SND1: variants seen among roughly 807,000 people sequenced by gnomAD.
SND1 encodes the protein staphylococcal nuclease domain-containing protein 1.
Under a neutral mutation model 121.7 loss-of-function variants are expected in SND1, and 38 were observed. The observed-to-expected ratio is 0.31, with a 90% CI of 0.24 to 0.41. SND1 has a LOEUF of 0.41. Among genes scored for constraint, SND1 ranks in the 10% least tolerant of loss-of-function variants. SND1 has a pLI of 1.00. For missense variants in SND1, 868 were observed against 1,184.6 expected, an observed-to-expected ratio of 0.73 and a Z score of 3.92; for synonymous variants, 401 against 447.4, an observed-to-expected ratio of 0.90 and a Z score of 1.31.
chr7:127,705,924 C>A (rs1317491177), intron 8 of SND1, among the ~76,000 whole-genome samples: 1 of 152,128 alleles, frequency 6.6e-6, no homozygotes, highest in African/African-American at 2.4e-5. Flanking sequence ...TATTCCATTT[C>A]TTAGGTCTTT....
At chr7:127,943,021 G>A (rs1801251070) in intron 15 of SND1, among the ~76,000 whole-genome samples, 1 of 152,138 alleles carries the variant, frequency 6.6e-6, no homozygotes, top group African/African-American at 2.4e-5. Flanking sequence ...AGTGAACATT[G>A]CCATATCATA....
At chr7:128,091,441 C>T (rs1793778332) in intron 22 of SND1, among the ~76,000 whole-genome samples, 1 of 151,698 alleles carries the variant, frequency 6.6e-6, no homozygotes, top group African/African-American at 2.4e-5. Context: ...AACTCCTGGG[C>T]TCAAGTGATC....
At chr7:127,759,546 A>G (rs1332700147) in intron 10 of SND1, among the ~76,000 whole-genome samples, 1 of 152,108 alleles carries the variant, frequency 6.6e-6, no homozygotes, top group African/African-American at 2.4e-5. Flanking sequence ...TTTGCCAAGG[A>G]ATCTTGTTCC....
At chr7:127,814,507 T>G (rs1395871579) in intron 11 of SND1, among the ~76,000 whole-genome samples, 3 of 152,102 alleles carry the variant, frequency 2.0e-5, no homozygotes, top group African/African-American at 7.2e-5. Flanking sequence ...GATGTGCTCA[T>G]TTGGAAAGGA....
Position 128,025,849 on chromosome 7 carries a change from G to C in SND1, c.1779+34793G>C, listed in dbSNP as rs1584744718. Among the ~76,000 whole-genome samples, 2 of 152,134 alleles carry C rather than the reference G, an allele frequency of 1.3e-5. 1 individual carries two copies. The highest frequency in any genetic ancestry group is 1.3e-4 in the Admixed American group (2 of 15,280). ...TCCTTTCAAAAGTCCTTCTCCCACA[G>C]ATTGAAGCTGAATATAGTCTTCCTT... On this transcript the variant is annotated intron_variant, in intron 16 of 23. Transcript: ENST00000354725.
At chr7:127,719,130 G>GC (rs933794233) in intron 9 of SND1, among the ~76,000 whole-genome samples, 2 of 152,012 alleles carry the variant, frequency 1.3e-5, no homozygotes, top group East Asian at 1.9e-4. Flanking sequence ...CATGGAAACT[G>GC]CCCCCCTGAA....
intron 10 of SND1, among the ~76,000 whole-genome samples, chr7:127,750,750 G>T (rs1797075808): frequency 6.6e-6 from 1 of 152,090 alleles, no homozygotes; most frequent in Non-Finnish European, 1.5e-5. Context: ...TGGATTTTTG[G>T]ATTAAGGATA....
In SND1 at chr7:127,918,667, C is replaced by T. The variant is rs1486528321; in HGVS notation, c.1528-10521C>T. Among the ~76,000 whole-genome samples, 4 of 152,240 alleles carry T rather than the reference C, an allele frequency of 2.6e-5. No individual in the cohort carries two copies. In the South Asian group the frequency reaches 6.2e-4, roughly 24 times the overall value. ...TAGCAGATATTGTTGGATGAATGAA[C>T]GCTGTAAATAGTTCTACTAGAATTG... On this transcript the variant is annotated intron_variant, in intron 14 of 23. Transcript: ENST00000354725.
intron 10 of SND1, among the ~76,000 whole-genome samples, chr7:127,773,698 A>T (rs1203649994): frequency 1.3e-5 from 2 of 152,150 alleles, no homozygotes; most frequent in Non-Finnish European, 2.9e-5. Context: ...CTCGAAAAAA[A>T]ATCTGTTGTG....
chr7:127,674,958 T>G (rs1328578983), intron 1 of SND1, among the ~76,000 whole-genome samples: 4 of 152,250 alleles, frequency 2.6e-5, no homozygotes, highest in Non-Finnish European at 5.9e-5. Flanking sequence ...CCCAGCACTT[T>G]GGGAGGCCAA....
At chr7:127,883,257 A>G (rs1799829317) in intron 12 of SND1, among the ~76,000 whole-genome samples, 1 of 152,168 alleles carries the variant, frequency 6.6e-6, no homozygotes, top group Non-Finnish European at 1.5e-5. Context: ...ATATTATGCC[A>G]ACATGGAGAA....
chr7:128,055,939 A>G (rs1167098766), intron 16 of SND1, among the ~76,000 whole-genome samples: 1 of 152,108 alleles, frequency 6.6e-6, no homozygotes, highest in Non-Finnish European at 1.5e-5. Context: ...GACTAGTGAC[A>G]AGAGCCAGGC....
chr7:127,857,974 G>T (rs1389664443), intron 12 of SND1: 2 of 1,425,462 alleles, frequency 1.4e-6, no homozygotes, highest in East Asian at 2.3e-5. Flanking sequence ...CTGGTCGCTG[G>T]TGAAGGGCCC....
intron 2 of SND1, among the ~76,000 whole-genome samples, chr7:127,693,674 G>A (rs2116322548): frequency 6.6e-6 from 1 of 152,292 alleles, no homozygotes; most frequent in East Asian, 1.9e-4. Context: ...TGAGTTCTGT[G>A]GTTTGAAGAG....
At chr7:127,941,629 T>C (rs999392042) in intron 15 of SND1, among the ~76,000 whole-genome samples, 12 of 152,192 alleles carry the variant, frequency 7.9e-5, no homozygotes, top group African/African-American at 2.9e-4. Flanking sequence ...TCTGTGTGTG[T>C]TTTGGATGCA....
chr7:127,984,938 C>T (rs1239029092), intron 15 of SND1, among the ~76,000 whole-genome samples: 1 of 152,208 alleles, frequency 6.6e-6, no homozygotes, highest in East Asian at 1.9e-4. Context: ...CCTCTGGCTC[C>T]TGCGGGGATT....
chr7:127,928,919 C>G (rs1584673878), intron 14 of SND1, among the ~76,000 whole-genome samples: 1 of 152,174 alleles, frequency 6.6e-6, no homozygotes, highest in East Asian at 1.9e-4. Context: ...GGAAGATGAG[C>G]TCTTCTTGCC....
chr7:127,718,824 G>A (rs1054137064), intron 9 of SND1: 4 of 783,208 alleles, frequency 5.1e-6, no homozygotes, highest in Admixed American at 1.3e-4. Context: ...AGCAGAAAAC[G>A]TCTAGATATT....
chr7:127,753,929 C>T (rs779506455), intron 10 of SND1, among the ~76,000 whole-genome samples: 1 of 152,188 alleles, frequency 6.6e-6, no homozygotes, highest in Non-Finnish European at 1.5e-5. Flanking sequence ...ACCTAAAGAA[C>T]CAAAATGGAT....
Sources: gnomAD v4.1 joint callset for allele counts (sites outside exome capture counted in the v4.1 genomes callset) on GRCh38, gnomAD v4.1.1 for gene constraint, MANE v1.5 for transcripts, NCBI Gene and HGNC (gene_info 2026-07-23, HGNC 2026-07-21) for gene names.